The following XIRP2 variants were observed in gnomAD, a reference collection of about 807,000 sequenced individuals.
The protein encoded by XIRP2 is xin actin binding repeat containing 2, also known as xin actin-binding repeat-containing protein 2.
In XIRP2, 236 loss-of-function variants were observed where a neutral mutation model predicts 277.0. The ratio of observed to expected loss-of-function variants is 0.85; its 90% confidence interval spans 0.77 to 0.95. The LOEUF (loss-of-function observed/expected upper bound fraction) is 0.95, where lower values mean the gene tolerates loss of function less well. Ranked by LOEUF, XIRP2 falls within the 40% of genes least tolerant of loss-of-function variation. The probability of loss-of-function intolerance (pLI) is 0.00; values close to 1 mark genes in which losing one functional copy is unlikely to be tolerated. For synonymous variants in XIRP2, 1,490 were observed against 1,416.5 expected, an observed-to-expected ratio of 1.05 and a Z score of -1.17; for missense variants, 4,640 against 4,157.5, an observed-to-expected ratio of 1.12 and a Z score of -3.19.
intron 2 of XIRP2, among the ~76,000 whole-genome samples, chr2:167,122,242 C>T (rs1050706527): frequency 3.9e-5 from 6 of 152,090 alleles, no homozygotes; most frequent in South Asian, 2.1e-4. Flanking sequence ...AAATGTTGGA[C>T]ATACGAGTTT....
chr2:167,142,353 G>T lies in XIRP2; in HGVS notation c.562+6291G>T, dbSNP rs533390111. 5.3e-5 allele frequency among the ~76,000 whole-genome samples: 8 copies of T among 152,120 alleles called. No homozygotes were observed. The South Asian group carries it at 1.5e-3, about 28-fold the overall frequency. On this transcript the variant is annotated intron_variant, in intron 3 of 10. Coordinates refer to ENST00000409195, the MANE Select transcript of XIRP2 (RefSeq NM_152381.6). Reference sequence around the variant, plus strand: ...TCATGAAGTCAGGAGTTTGAGACCAGCCTGGCCAACATGGTGAAACCCCGT... The same window carrying T: ...TCATGAAGTCAGGAGTTTGAGACCATCCTGGCCAACATGGTGAAACCCCGT...
intron 2 of XIRP2, among the ~76,000 whole-genome samples, chr2:167,121,236 T>C (rs1317861268): frequency 6.6e-6 from 1 of 152,206 alleles, no homozygotes; most frequent in Non-Finnish European, 1.5e-5. Flanking sequence ...CCATTCCATC[T>C]AAGCATTATT....
chr2:167,259,442 A>T lies in XIRP2; in HGVS notation c.*1625A>T. ...CTGAAATAAGATTTTATGAATTTGG[A>T]TACCCTTTTGAGGAACTTGATGTAA... On this transcript the variant is annotated 3_prime_UTR_variant, in exon 11 of 11. Coordinates refer to ENST00000409195, the MANE Select transcript of XIRP2 (RefSeq NM_152381.6). 7.1e-7 allele frequency: 1 copy of T among 1,416,448 alleles called. No homozygotes were observed. The highest frequency in any genetic ancestry group is 1.5e-5 in the South Asian group (1 of 66,156). 87.7% of individuals were successfully genotyped at this position (1,416,448 alleles called of 1,614,324 possible).
chr2:167,245,605 A>G lies in XIRP2; in HGVS notation c.4213A>G (p.Asn1405Asp). The G allele has an allele frequency of 6.2e-7, 1 of 1,613,700 alleles. No individual in the cohort carries two copies. The highest frequency in any genetic ancestry group is 1.3e-5 in the African/African-American group (1 of 75,036). ...GGATCAGATTTCTGAAGAATCACATAATATTATGCCCAGTATTGACCATAT... is the reference window on the plus strand; with the variant it reads ...GGATCAGATTTCTGAAGAATCACATGATATTATGCCCAGTATTGACCATAT... ...PLDQISEESH[N>D]IMPSIDHIQG... Residue 1405 changes from asparagine to aspartate, a missense_variant, in exon 9 of 11, where the codon AAT (asparagine) becomes GAT (aspartate). Physicochemically the swap from Asn to Asp is conservative, Grantham distance 23. Transcript: ENST00000409195.
At chr2:166,898,931 T>C (rs1684310779) in intron 1 of XIRP2, among the ~76,000 whole-genome samples, 1 of 152,166 alleles carries the variant, frequency 6.6e-6, no homozygotes, top group Middle Eastern at 3.2e-3. Context: ...CTTACATGGA[T>C]AGCTGAATAA....
intron 2 of XIRP2, among the ~76,000 whole-genome samples, chr2:167,080,005 A>G (rs1689685655): frequency 6.6e-6 from 1 of 151,900 alleles, no homozygotes; most frequent in Non-Finnish European, 1.5e-5. Flanking sequence ...GACTTGTAAA[A>G]GTGGGCATTT....
rs746263441 is a variant in XIRP2, at chr2:167,247,349, C to A, written c.5957C>A (p.Pro1986Gln). ...CAGCCAAAGCCAGGTCCATTTGAGC[C>A]AGCGGCCAAGTGGCAAGGGGGAGCA... ...LLQPKPGPFEPAAKWQGGADT... is the reference protein window; with the variant it reads ...LLQPKPGPFEQAAKWQGGADT... The change falls in exon 9 of 11, where the codon CCA (proline) becomes CAA (glutamine). Residue 1986 changes from proline to glutamine, a missense_variant. Coordinates refer to ENST00000409195, the MANE Select transcript of XIRP2 (RefSeq NM_152381.6). The A allele has an allele frequency of 1.9e-6, 3 of 1,613,702 alleles. No individual in the cohort carries two copies. Among genetic ancestry groups the A allele is most frequent in the Non-Finnish European group, 2.5e-6 (3 of 1,179,792 alleles).
rs150134283 is a variant in XIRP2 at position 166,893,676 on chromosome 2, G to A, written c.-19+5119G>A. ...TCTTCTATTAAATTATTATTTCTGG[G>A]CACATTTTCTTTTTTAGAAATAGAG... On this transcript the variant is annotated intron_variant, in intron 1 of 10. Coordinates refer to ENST00000409195, the MANE Select transcript of XIRP2 (RefSeq NM_152381.6). Among the ~76,000 whole-genome samples the A allele has an allele frequency of 1.6e-3, 237 of 152,040 alleles. 6 individuals are homozygous for A. In the East Asian group the frequency reaches 0.041, roughly 26 times the overall value.
intron 2 of XIRP2, among the ~76,000 whole-genome samples, chr2:166,960,724 G>A (rs1174300832): frequency 6.6e-6 from 1 of 151,768 alleles, no homozygotes; most frequent in African/African-American, 2.4e-5. Context: ...CTCAATGGAA[G>A]TAAACATGAG....
chr2:167,145,796 A>G (rs929847503), intron 3 of XIRP2, among the ~76,000 whole-genome samples: 1 of 152,204 alleles, frequency 6.6e-6, no homozygotes, highest in Admixed American at 6.5e-5. Context: ...TTTATGTTGC[A>G]GAGTACATGA....
At chr2:167,004,753 A>T (rs1379702316) in intron 2 of XIRP2, among the ~76,000 whole-genome samples, 1 of 151,900 alleles carries the variant, frequency 6.6e-6, no homozygotes, top group African/African-American at 2.4e-5. Flanking sequence ...TTAGTGCATG[A>T]TTCAATGTCC....
At chr2:167,129,556 T>C (rs934171768) in intron 2 of XIRP2, among the ~76,000 whole-genome samples, 4 of 152,214 alleles carry the variant, frequency 2.6e-5, no homozygotes, top group African/African-American at 9.6e-5. Flanking sequence ...TCTAAGATTA[T>C]AATTATACAT....
intron 2 of XIRP2, among the ~76,000 whole-genome samples, chr2:167,098,184 C>CAA (rs1156422160): frequency 6.6e-6 from 1 of 152,196 alleles, no homozygotes; most frequent in East Asian, 1.9e-4. Flanking sequence ...TCAAGTACAC[C>CAA]AATCAAATGT....
At position 167,248,764 on chromosome 2, in the gene XIRP2, A is replaced by G. The variant is rs1695370060; in HGVS notation, c.7372A>G (p.Thr2458Ala). 1.2e-6 allele frequency: 2 copies of G among 1,613,762 alleles called. No individual in the cohort carries two copies. Among genetic ancestry groups the G allele is most frequent in the African/African-American group, 2.7e-5 (2 of 74,986 alleles). ...CCTGTCAGATATGGAATGTAAAATT[A>G]CTACCTCAAAGGATCAGAAAAAAGT... Reference protein sequence around the residue: ...TSLSDMECKITTSKDQKKVMV... With the variant: ...TSLSDMECKIATSKDQKKVMV... Residue 2458 changes from threonine to alanine, a missense_variant, in exon 9 of 11, where the codon ACT becomes GCT. By Grantham distance (58) the Thr-to-Ala change is moderately conservative (BLOSUM62 0). Transcript: ENST00000409195.
At chr2:167,160,952 G>A (rs2105340330) in intron 3 of XIRP2, among the ~76,000 whole-genome samples, 2 of 152,276 alleles carry the variant, frequency 1.3e-5, no homozygotes, top group South Asian at 4.1e-4. Flanking sequence ...CAGGTATTGG[G>A]TAAATAACAC....
intron 3 of XIRP2, among the ~76,000 whole-genome samples, chr2:167,157,565 G>T (rs1692236662): frequency 6.6e-6 from 1 of 151,902 alleles, no homozygotes; most frequent in Non-Finnish European, 1.5e-5. Context: ...CCACCAAATA[G>T]ATATACACAC....
chr2:167,132,822 C>T (rs1393842858), intron 2 of XIRP2, among the ~76,000 whole-genome samples: 1 of 152,152 alleles, frequency 6.6e-6, no homozygotes, highest in Non-Finnish European at 1.5e-5. Context: ...GAGCCCTATA[C>T]AGGGCTCTCT....
chr2:167,150,529 T>A (rs1425887731), intron 3 of XIRP2, among the ~76,000 whole-genome samples: 1 of 152,038 alleles, frequency 6.6e-6, no homozygotes, highest in Admixed American at 6.6e-5. Context: ...AATGACTGAA[T>A]AAATCATGAT....
intron 2 of XIRP2, among the ~76,000 whole-genome samples, chr2:167,131,805 G>T (rs141071324): frequency 5.4e-4 from 82 of 152,112 alleles, no homozygotes; most frequent in African/African-American, 2.0e-3. Flanking sequence ...TGTTCAGTTT[G>T]GACCTCTCCT....
Sources: gnomAD v4.1 joint callset for allele counts (sites outside exome capture counted in the v4.1 genomes callset) on GRCh38, gnomAD v4.1.1 for gene constraint, MANE v1.5 for transcripts, NCBI Gene and HGNC (gene_info 2026-07-23, HGNC 2026-07-21) for gene names.